TBC1D1: variants seen among roughly 807,000 people sequenced by gnomAD.
TBC1D1 encodes the protein TBC1 domain family member 1, also known as TBC1 (tre-2/USP6, BUB2, cdc16) domain family, member 1.
TBC1D1 carries 89 observed loss-of-function variants against 125.6 expected under a neutral mutation model. The ratio of observed to expected loss-of-function variants is 0.71; its 90% CI spans 0.60 to 0.85. The LOEUF is 0.85. TBC1D1 is among the 40% of genes least tolerant of loss of function. The pLI, the probability that TBC1D1 is intolerant of heterozygous loss-of-function variation, is 0.00. For synonymous variants in TBC1D1, 565 were observed against 564.1 expected (o/e 1.00, Z -0.02); for missense variants, 1,377 against 1,469.2 (o/e 0.94, Z 1.03).
At chr4:38,006,663 T>G (rs546439885) in intron 2 of TBC1D1, 22 of 242,746 alleles carry the variant, frequency 9.1e-5, no homozygotes, top group Admixed American at 3.2e-4. Context: ...GTATTTTTAG[T>G]AGAGATGGGG....
rs977761161 is a variant in TBC1D1, at chr4:38,138,863, G to A, written c.*1528G>A. The A allele has an allele frequency of 1.3e-5, 2 of 152,528 alleles. No individual in the cohort carries two copies. The highest frequency in any genetic ancestry group is 1.5e-5 in the Non-Finnish European group (1 of 68,026). 9.4% of individuals were successfully genotyped at this position (152,528 alleles called of 1,614,324 possible). On this transcript the variant is annotated 3_prime_UTR_variant, in exon 20 of 20. Coordinates refer to ENST00000261439, the MANE Select transcript of TBC1D1 (RefSeq NM_015173.4). Reference sequence around the variant, plus strand: ...CTGTGAGTCTCCCCGGCCATTTCACGAGGAGACCACAGTGCTGCCACCAGT... The same window carrying A: ...CTGTGAGTCTCCCCGGCCATTTCACAAGGAGACCACAGTGCTGCCACCAGT...
At chr4:38,128,491 C>G (rs889221628) in intron 18 of TBC1D1, among the ~76,000 whole-genome samples, 1 of 152,098 alleles carries the variant, frequency 6.6e-6, no homozygotes. Context: ...GATGGTGGAG[C>G]ATACTGCCCT....
chr4:37,917,250 G>A (rs933784553), intron 2 of TBC1D1, among the ~76,000 whole-genome samples: 4 of 151,316 alleles, frequency 2.6e-5, no homozygotes, highest in Non-Finnish European at 5.9e-5. Flanking sequence ...GAGGCAGGTG[G>A]ATCACGTGAG....
At chr4:37,923,054 C>T (rs1331457948) in intron 2 of TBC1D1, among the ~76,000 whole-genome samples, 1 of 151,876 alleles carries the variant, frequency 6.6e-6, no homozygotes, top group Non-Finnish European at 1.5e-5. Context: ...TTTGATGCAC[C>T]CATCAACCCA....
chr4:37,894,236 C>T (rs1714060516), intron 1 of TBC1D1, among the ~76,000 whole-genome samples: 1 of 152,146 alleles, frequency 6.6e-6, no homozygotes, highest in Non-Finnish European at 1.5e-5. Flanking sequence ...ATCCACCCGC[C>T]TTGGCCTCCC....
At chr4:37,944,038 A>T (rs1276632600) in intron 2 of TBC1D1, among the ~76,000 whole-genome samples, 2 of 152,204 alleles carry the variant, frequency 1.3e-5, no homozygotes, top group Non-Finnish European at 2.9e-5. Context: ...TCTGTTCATT[A>T]GTTTTCCTTC....
chr4:37,894,146 G>A (rs552520129), intron 1 of TBC1D1, among the ~76,000 whole-genome samples: 117 of 152,004 alleles, frequency 7.7e-4, no homozygotes, highest in Non-Finnish European at 1.4e-3. Flanking sequence ...GCTCTACCAC[G>A]GCCGGCTAAA....
intron 2 of TBC1D1, among the ~76,000 whole-genome samples, chr4:37,912,385 G>A (rs950528384): frequency 1.3e-5 from 2 of 152,226 alleles, no homozygotes; most frequent in Non-Finnish European, 2.9e-5. Context: ...AGCAGGATGG[G>A]GAATGATGAG....
chr4:37,961,342 T>A (rs1730015031), intron 2 of TBC1D1, among the ~76,000 whole-genome samples: 1 of 117,040 alleles, frequency 8.5e-6, no homozygotes, highest in Middle Eastern at 4.0e-3. Context: ...GTGAACCAGA[T>A]GAAAGCCTTA....
chr4:37,932,643 G>A lies in TBC1D1; in HGVS notation c.417+30131G>A, dbSNP rs80112754. On this transcript the variant is annotated intron_variant, in intron 2 of 19. Coordinates refer to ENST00000261439, the MANE Select transcript of TBC1D1 (RefSeq NM_015173.4). ...AAATTCCTTCATTTTACAGATAGGA[G>A]CCTTTGACTCAGAAGCTACATGCTG... Among the ~76,000 whole-genome samples, 3,782 of 152,292 alleles carry A rather than the reference G, an allele frequency of 0.025. 438 individuals carry two copies. In the East Asian group the frequency reaches 0.34, roughly 14 times the overall value.
intron 12 of TBC1D1, among the ~76,000 whole-genome samples, chr4:38,072,638 CAT>C (rs1754896991): frequency 6.6e-6 from 1 of 152,144 alleles, no homozygotes; most frequent in African/African-American, 2.4e-5. Context: ...AAAACATAAA[CAT>C]AATACTACCA....
intron 2 of TBC1D1, among the ~76,000 whole-genome samples, chr4:37,992,495 T>G (rs1360759494): frequency 3.5e-5 from 3 of 85,818 alleles, no homozygotes; most frequent in East Asian, 2.1e-4. Context: ...AGTCTGGTGT[T>G]TTTTTTTTTT....
intron 18 of TBC1D1, among the ~76,000 whole-genome samples, chr4:38,127,159 C>T (rs1240296591): frequency 2.0e-5 from 3 of 151,874 alleles, no homozygotes; most frequent in Non-Finnish European, 4.4e-5. Flanking sequence ...CATTGTTTAC[C>T]TCCTAAGTAT....
chr4:37,960,421 G>A (rs771795685), intron 2 of TBC1D1: 34 of 1,601,500 alleles, frequency 2.1e-5, no homozygotes, highest in South Asian at 1.0e-4. Context: ...TGTTGAGAGC[G>A]GCAATAATCC....
chr4:37,919,358 T>C (rs1188863268), intron 2 of TBC1D1, among the ~76,000 whole-genome samples: 3 of 144,312 alleles, frequency 2.1e-5, no homozygotes, highest in Non-Finnish European at 4.7e-5. Flanking sequence ...TTTTTTTTGG[T>C]ATTTTTAATA....
chr4:38,075,958 T>C (rs771143617), intron 12 of TBC1D1, among the ~76,000 whole-genome samples: 1 of 152,222 alleles, frequency 6.6e-6, no homozygotes, highest in Non-Finnish European at 1.5e-5. Flanking sequence ...AGCTCTTCTC[T>C]GTAAATTACA....
chr4:37,952,654 A>G (rs1728137217), intron 2 of TBC1D1: 1 of 153,984 alleles, frequency 6.5e-6, no homozygotes, highest in Non-Finnish European at 1.4e-5. Context: ...GAGGGAGAGC[A>G]TTAGGAAAAA....
intron 2 of TBC1D1, chr4:37,996,212 T>C (rs1435083692): frequency 6.6e-6 from 2 of 301,824 alleles, no homozygotes; most frequent in Non-Finnish European, 1.4e-5. Flanking sequence ...GCCGTGCAGC[T>C]TCAGTTGCTG....
intron 3 of TBC1D1, among the ~76,000 whole-genome samples, chr4:38,015,858 A>AG: frequency 6.6e-6 from 1 of 152,284 alleles, no homozygotes. Context: ...TTTAAAACCA[A>AG]GGGGGTGCAC....
Sources: gnomAD v4.1 joint callset for allele counts (sites outside exome capture counted in the v4.1 genomes callset) on GRCh38, gnomAD v4.1.1 for gene constraint, MANE v1.5 for transcripts, NCBI Gene and HGNC (gene_info 2026-07-23, HGNC 2026-07-21) for gene names.